ROBO2: variants seen among roughly 807,000 people sequenced by gnomAD.
ROBO2 encodes the protein roundabout homolog 2.
ROBO2 carries 53 observed loss-of-function variants against 160.8 expected under a neutral mutation model. The ratio of observed to expected loss-of-function variants is 0.33; its 90% CI spans 0.26 to 0.41. ROBO2 has a LOEUF of 0.41. Ranked by LOEUF, ROBO2 falls within the 10% of genes least tolerant of loss-of-function variation. The pLI is 1.00. For synonymous variants in ROBO2, 664 were observed against 611.7 expected, an observed-to-expected ratio of 1.09 and a Z score of -1.26; for missense variants, 1,577 against 1,722.4, an observed-to-expected ratio of 0.92 and a Z score of 1.49.
At chr3:75,997,038 T>G (rs1390596690) in intron 2 of ROBO2, among the ~76,000 whole-genome samples, 1 of 152,218 alleles carries the variant, frequency 6.6e-6, no homozygotes, top group Non-Finnish European at 1.5e-5. Flanking sequence ...CAATTTATGA[T>G]CTAATTATGT....
At chr3:76,219,998 T>TA (rs1271460146) in intron 2 of ROBO2, among the ~76,000 whole-genome samples, 3 of 151,918 alleles carry the variant, frequency 2.0e-5, no homozygotes, top group Non-Finnish European at 4.4e-5. Flanking sequence ...TATGCAGCCA[T>TA]AAAAAATGGT....
chr3:76,884,697 G>A (rs2073706011), intron 2 of ROBO2, among the ~76,000 whole-genome samples: 1 of 152,090 alleles, frequency 6.6e-6, no homozygotes, highest in African/African-American at 2.4e-5. Flanking sequence ...TTTTATGTTA[G>A]TTTTCCCAAT....
intron 2 of ROBO2, among the ~76,000 whole-genome samples, chr3:76,070,722 T>C (rs1165269947): frequency 6.6e-6 from 1 of 152,146 alleles, no homozygotes. Context: ...TGGAACCTAC[T>C]GACATGTGAT....
intron 2 of ROBO2, among the ~76,000 whole-genome samples, chr3:76,929,343 C>G (rs1371794733): frequency 6.6e-6 from 1 of 152,096 alleles, no homozygotes; most frequent in Non-Finnish European, 1.5e-5. Context: ...AGGAGAAACC[C>G]CATTCTAGTT....
At chr3:77,236,441 A>AT (rs1282667897) in intron 2 of ROBO2, among the ~76,000 whole-genome samples, 2 of 152,138 alleles carry the variant, frequency 1.3e-5, no homozygotes, top group African/African-American at 2.4e-5. Context: ...GGGAATGATG[A>AT]CGCATGTCCA....
At chr3:75,935,869 C>T (rs1947754263) in intron 1 of ROBO2, among the ~76,000 whole-genome samples, 1 of 152,156 alleles carries the variant, frequency 6.6e-6, no homozygotes, top group African/African-American at 2.4e-5. Flanking sequence ...TTGTCTCAGT[C>T]TCCACAAGAG....
chr3:76,504,451 A>G (rs1259381354), intron 2 of ROBO2, among the ~76,000 whole-genome samples: 1 of 150,680 alleles, frequency 6.6e-6, no homozygotes, highest in Non-Finnish European at 1.5e-5. Flanking sequence ...GAAATTTGGT[A>G]GGCATAATTT....
chr3:75,999,187 TA>T (rs2065813526), intron 2 of ROBO2, among the ~76,000 whole-genome samples: 1 of 152,146 alleles, frequency 6.6e-6, no homozygotes, highest in Non-Finnish European at 1.5e-5. Context: ...ACAAAAGAGT[TA>T]AACAATATGT....
At chr3:76,639,344 G>C (rs2090515171) in intron 2 of ROBO2, among the ~76,000 whole-genome samples, 1 of 151,500 alleles carries the variant, frequency 6.6e-6, no homozygotes, top group African/African-American at 2.4e-5. Context: ...GTGTGTGTAT[G>C]TATATGTACA....
chr3:77,129,920 C>T (rs1449881948), intron 2 of ROBO2, among the ~76,000 whole-genome samples: 3 of 152,084 alleles, frequency 2.0e-5, no homozygotes, highest in Non-Finnish European at 4.4e-5. Flanking sequence ...CTGGTTGTCA[C>T]ATAAAATCCA....
chr3:77,134,324 C>T (rs548724767), intron 2 of ROBO2, among the ~76,000 whole-genome samples: 46 of 152,280 alleles, frequency 3.0e-4, no homozygotes, highest in Admixed American at 2.9e-3. Context: ...ATATACCACA[C>T]ATTTGACTTT....
chr3:77,526,627 A>G (rs111430389), intron 6 of ROBO2, among the ~76,000 whole-genome samples: 2 of 151,646 alleles, frequency 1.3e-5, no homozygotes, highest in African/African-American at 4.8e-5. Flanking sequence ...ATCTCTTACA[A>G]TTTATTTGCA....
intron 2 of ROBO2, among the ~76,000 whole-genome samples, chr3:77,217,960 T>C (rs2085203076): frequency 1.3e-5 from 2 of 152,336 alleles, no homozygotes; most frequent in South Asian, 4.1e-4. Flanking sequence ...TTGAAATTAT[T>C]TATATGTTTC....
chr3:76,782,214 T>C (rs2062691934), intron 2 of ROBO2, among the ~76,000 whole-genome samples: 1 of 150,762 alleles, frequency 6.6e-6, no homozygotes, highest in African/African-American at 2.4e-5. Flanking sequence ...CTTCCTAGTA[T>C]TGATTTCTAG....
intron 2 of ROBO2, among the ~76,000 whole-genome samples, chr3:76,703,414 G>C (rs1020092267): frequency 6.6e-6 from 1 of 152,036 alleles, no homozygotes; most frequent in Admixed American, 6.6e-5. Context: ...TGTGCAGAAC[G>C]TGCAGGTTTG....
chr3:76,983,685 A>G (rs1375740173), intron 2 of ROBO2, among the ~76,000 whole-genome samples: 1 of 152,226 alleles, frequency 6.6e-6, no homozygotes, highest in Non-Finnish European at 1.5e-5. Context: ...AGTACCTATT[A>G]TATGATAGAC....
chr3:76,209,305 C>T (rs1702998328), intron 2 of ROBO2, among the ~76,000 whole-genome samples: 1 of 152,096 alleles, frequency 6.6e-6, no homozygotes, highest in Non-Finnish European at 1.5e-5. Context: ...GTTGTAATAT[C>T]TTAGTCATTC....
intron 2 of ROBO2, among the ~76,000 whole-genome samples, chr3:76,291,331 A>G (rs1199514502): frequency 1.3e-5 from 2 of 152,108 alleles, no homozygotes; most frequent in Non-Finnish European, 2.9e-5. Context: ...GTTTATGTGC[A>G]TAGAGGTGTT....
In ROBO2 at chr3:76,288,836, G is replaced by T. The variant is rs949979426; in HGVS notation, c.109+351234G>T. Reference sequence around the variant, plus strand: ...GGACATGTTCTCATTCTTTTCTATGGCTGCCTAGTATTCTATTGTATATCT... The same window carrying T: ...GGACATGTTCTCATTCTTTTCTATGTCTGCCTAGTATTCTATTGTATATCT... On this transcript the variant is annotated intron_variant, in intron 2 of 26. Coordinates refer to the ROBO2 transcript ENST00000487694. Among the ~76,000 whole-genome samples the T allele has an allele frequency of 7.2e-5, 11 of 152,002 alleles. 1 individual carries two copies. Among genetic ancestry groups the T allele is most frequent in the African/African-American group, 2.7e-4 (11 of 41,388 alleles).
Sources: gnomAD v4.1 joint callset for allele counts (sites outside exome capture counted in the v4.1 genomes callset) on GRCh38, gnomAD v4.1.1 for gene constraint, MANE v1.5 for transcripts, NCBI Gene and HGNC (gene_info 2026-07-23, HGNC 2026-07-21) for gene names.